Variants in RAD51B observed in about 807,000 individuals in gnomAD.
RAD51B encodes RAD51 paralog B, also known as DNA repair protein RAD51 homolog 2.
Under a neutral mutation model 42.2 loss-of-function variants are expected in RAD51B, and 38 were observed. That is an observed-to-expected ratio of 0.90 (90% CI 0.70 to 1.18). The LOEUF (loss-of-function observed/expected upper bound fraction) is 1.18. RAD51B is among the 50% of genes most tolerant of loss of function. The pLI, the probability that RAD51B is intolerant of heterozygous loss-of-function variation, is 0.00. For synonymous variants in RAD51B, 154 were observed against 145.2 expected (o/e 1.06, Z -0.43); for missense variants, 373 against 400.7 (o/e 0.93, Z 0.59).
chr14:68,088,806 C>T (rs561204964), intron 7 of RAD51B, among the ~76,000 whole-genome samples: 110 of 152,000 alleles, frequency 7.2e-4, no homozygotes, highest in Middle Eastern at 3.4e-3. Context: ...GCTGTATGGG[C>T]GTAACTGAAG....
chr14:68,309,862 A>G (rs1241661604), intron 8 of RAD51B, among the ~76,000 whole-genome samples: 1 of 152,160 alleles, frequency 6.6e-6, no homozygotes, highest in African/African-American at 2.4e-5. Context: ...GAAGTGAATA[A>G]TCATGGGGAA....
chr14:68,298,686 G>A (rs1471763326), intron 8 of RAD51B, among the ~76,000 whole-genome samples: 1 of 152,196 alleles, frequency 6.6e-6, no homozygotes, highest in Non-Finnish European at 1.5e-5. Context: ...GAGAGGTGAC[G>A]ACAGGGCCAA....
At chr14:68,352,964 T>C (rs2082820968) in intron 8 of RAD51B, among the ~76,000 whole-genome samples, 1 of 152,212 alleles carries the variant, frequency 6.6e-6, no homozygotes, top group Non-Finnish European at 1.5e-5. Context: ...CTCCCATGTT[T>C]AGCCTATAGA....
At chr14:68,322,285 A>G (rs905349190) in intron 8 of RAD51B, among the ~76,000 whole-genome samples, 9 of 152,234 alleles carry the variant, frequency 5.9e-5, no homozygotes, top group Non-Finnish European at 1.2e-4. Context: ...AGCATATTAC[A>G]TAATTTCACT....
At chr14:67,923,292 CTTTTTCTTTTTTT>C (rs1384088523) in intron 7 of RAD51B, among the ~76,000 whole-genome samples, 7 of 129,474 alleles carry the variant, frequency 5.4e-5, no homozygotes, top group Non-Finnish European at 9.5e-5. Context: ...CTTTCTTTTT[CTTTTTCTTTTTTT>C]TTTTTTTTTT....
chr14:68,072,236 T>G (rs1417045657), intron 7 of RAD51B, among the ~76,000 whole-genome samples: 3 of 143,814 alleles, frequency 2.1e-5, no homozygotes, highest in Non-Finnish European at 4.5e-5. Flanking sequence ...AATAAACTCC[T>G]ATATATATAA....
In RAD51B at chr14:68,468,377, C is replaced by T. The variant is rs200079442; in HGVS notation, c.1036+127C>T. 45 of 1,001,034 alleles carry T rather than the reference C, an allele frequency of 4.5e-5. No homozygotes were observed. The East Asian group carries it at 1.0e-3, about 22-fold the overall frequency. The allele number at this position is 1,001,034 out of a possible 1,614,324, so 62.0% of individuals were successfully genotyped here. A position where few individuals can be genotyped will look rare whatever the true frequency, so the allele number is the denominator to read the frequency against. ...AGAATCAAAAACCAAGATGCATTGG[C>T]CAGTGATATTTACCCTAGTGAGAGC... On this transcript the variant is annotated intron_variant, in intron 10 of 10. Transcript: ENST00000471583.
chr14:68,223,278 A>G (rs796595304), intron 7 of RAD51B, among the ~76,000 whole-genome samples: 1 of 152,116 alleles, frequency 6.6e-6, no homozygotes, highest in Non-Finnish European at 1.5e-5. Context: ...CTCATTACTT[A>G]TTAGCCTTGC....
At chr14:68,110,514 T>C (rs528373126) in intron 7 of RAD51B, among the ~76,000 whole-genome samples, 4 of 152,158 alleles carry the variant, frequency 2.6e-5, no homozygotes, top group Non-Finnish European at 4.4e-5. Flanking sequence ...GATCTTTGGG[T>C]CCCAAAAGTC....
At position 68,366,096 on chromosome 14, in the gene RAD51B, A is replaced by G. The variant is rs115427796; in HGVS notation, c.854-45328A>G. Among the ~76,000 whole-genome samples, 1,189 of 152,254 alleles carry G rather than the reference A, an allele frequency of 7.8e-3. 13 individuals carry two copies. The highest frequency in any genetic ancestry group is 0.028 in the African/African-American group (1,152 of 41,528). On this transcript the variant is annotated intron_variant, in intron 8 of 10. Transcript: ENST00000471583. ...ACTTTAATAAACATTCCTAAGATTA[A>G]TTCTTCCCTTAACAACTTTAGTGTA...
intron 7 of RAD51B, among the ~76,000 whole-genome samples, chr14:67,901,533 T>C (rs1346407487): frequency 7.9e-5 from 12 of 152,172 alleles, no homozygotes; most frequent in Admixed American, 5.9e-4. Flanking sequence ...TGTTGAACAA[T>C]AGACCTCTCC....
rs544093563 is a variant in RAD51B, at chr14:67,987,729, A to G, written c.756+100525A>G. On this transcript the variant is annotated intron_variant, in intron 7 of 10. Transcript: ENST00000471583. The stretch of plus-strand genomic sequence containing the variant: ...TTTAACTCTACATTTATCTGAACTT[A>G]ACTGAATAACTCCTCATTACTCAGC... Among the ~76,000 whole-genome samples the G allele has an allele frequency of 7.9e-5, 12 of 152,312 alleles. No individual in the cohort carries two copies. In the South Asian group the frequency reaches 2.5e-3, roughly 32 times the overall value.
chr14:67,820,320 A>G (rs987165183), intron 1 of RAD51B, among the ~76,000 whole-genome samples: 1 of 152,220 alleles, frequency 6.6e-6, no homozygotes, highest in African/African-American at 2.4e-5. Flanking sequence ...TTACCTCAGT[A>G]TCCTTATCTG....
chr14:68,398,548 C>T (rs193000983), intron 8 of RAD51B, among the ~76,000 whole-genome samples: 54 of 152,222 alleles, frequency 3.5e-4, no homozygotes, highest in African/African-American at 1.3e-3. Flanking sequence ...CTGTTTCATG[C>T]CCAGGCTATC....
At chr14:67,825,078 CAAAAAAAAAAAAA>C (rs56227529) in intron 2 of RAD51B, among the ~76,000 whole-genome samples, 1 of 50,534 alleles carries the variant, frequency 2.0e-5, no homozygotes, top group Admixed American at 3.4e-4. Flanking sequence ...ACTCTTGTCT[CAAAAAAAAAAAAA>C]AAAAAAAAAA....
intron 8 of RAD51B, among the ~76,000 whole-genome samples, chr14:68,345,493 C>T (rs2082659293): frequency 6.6e-6 from 1 of 151,932 alleles, no homozygotes; most frequent in Non-Finnish European, 1.5e-5. Context: ...CCTCCCCCCA[C>T]TCTTGTTCCT....
At position 68,460,436 on chromosome 14, in the gene RAD51B, A is replaced by C. The variant is rs530758568; in HGVS notation, c.958-7736A>C. Among the ~76,000 whole-genome samples, 134 of 152,158 alleles carry C rather than the reference A, an allele frequency of 8.8e-4. 1 individual carries two copies. The South Asian group carries it at 0.013, about 15-fold the overall frequency. On this transcript the variant is annotated intron_variant, in intron 9 of 10. Transcript: ENST00000471583. ...CCACTGCACTCCAACCTGAGCAACA[A>C]GAGCAAGACTCCATCTCAAAAAAAC...
At chr14:67,997,604 T>C (rs2075407062) in intron 7 of RAD51B, among the ~76,000 whole-genome samples, 1 of 152,200 alleles carries the variant, frequency 6.6e-6, no homozygotes, top group Non-Finnish European at 1.5e-5. Flanking sequence ...TTCTTTCTAT[T>C]TATGCTGTTT....
intron 7 of RAD51B, among the ~76,000 whole-genome samples, chr14:68,233,079 T>C (rs1410815888): frequency 6.6e-6 from 1 of 152,196 alleles, no homozygotes; most frequent in African/African-American, 2.4e-5. Context: ...CAGAATATTT[T>C]TGTGTGCATT....
Sources: gnomAD v4.1 joint callset for allele counts (sites outside exome capture counted in the v4.1 genomes callset) on GRCh38, gnomAD v4.1.1 for gene constraint, MANE v1.5 for transcripts, NCBI Gene and HGNC (gene_info 2026-07-23, HGNC 2026-07-21) for gene names.